The following KCTD3 variants were observed in gnomAD, a reference collection of about 807,000 sequenced individuals.
KCTD3 encodes potassium channel tetramerization domain containing 3.
In KCTD3, 41 loss-of-function variants were observed where a neutral mutation model predicts 85.8. That is an observed-to-expected ratio of 0.48 (90% CI 0.37 to 0.62). The LOEUF (loss-of-function observed/expected upper bound fraction) is 0.62, where lower values mean the gene tolerates loss of function less well. Ranked by LOEUF, KCTD3 falls within the 20% of genes least tolerant of loss-of-function variation. The pLI is 0.00. For synonymous variants in KCTD3, 338 were observed against 345.4 expected (o/e 0.98, Z 0.24); for missense variants, 724 against 989.9 (o/e 0.73, Z 3.60).
chr1:215,586,909 T>C (rs191705696), intron 9 of KCTD3, among the ~76,000 whole-genome samples: 13 of 152,262 alleles, frequency 8.5e-5, no homozygotes, highest in Admixed American at 7.8e-4. Context: ...GGCTGCTCTA[T>C]GAAAATATTG....
chr1:215,571,915 G>C (rs1279463342), intron 1 of KCTD3, among the ~76,000 whole-genome samples: 1 of 152,218 alleles, frequency 6.6e-6, no homozygotes, highest in Non-Finnish European at 1.5e-5. Flanking sequence ...ACAGGCGTGA[G>C]CCACCGCGCC....
chr1:215,569,898 G>T (rs1659298956), intron 1 of KCTD3, among the ~76,000 whole-genome samples: 2 of 152,182 alleles, frequency 1.3e-5, no homozygotes, highest in Admixed American at 1.3e-4. Flanking sequence ...TCAGAAAATT[G>T]TTAAGATAAA....
chr1:215,569,416 G>T (rs1347828667), intron 1 of KCTD3, among the ~76,000 whole-genome samples: 1 of 152,008 alleles, frequency 6.6e-6, no homozygotes, highest in Non-Finnish European at 1.5e-5. Context: ...ACCGCGCCTG[G>T]CCGATAGTTA....
chr1:215,573,254 A>G (rs769791287), intron 1 of KCTD3, among the ~76,000 whole-genome samples: 11 of 152,226 alleles, frequency 7.2e-5, no homozygotes, highest in Non-Finnish European at 1.2e-4. Flanking sequence ...TAGAAAAACT[A>G]TTACAGGGAA....
In KCTD3 at chr1:215,567,424, G is replaced by C. The variant is rs1476143472; in HGVS notation, c.-262G>C. On this transcript the variant is annotated 5_prime_UTR_variant, in exon 1 of 18. Coordinates refer to ENST00000259154, the MANE Select transcript of KCTD3 (RefSeq NM_016121.5). ...GCAGCGGAGCACGGAGAAGAGGCCC[G>C]GGCGGCCCGGCGGCCTGGAGGCCGC... 2 of 225,186 alleles carry C rather than the reference G, an allele frequency of 8.9e-6. No homozygotes were observed. Among genetic ancestry groups the C allele is most frequent in the East Asian group, 1.0e-4 (1 of 9,862 alleles). 13.9% of individuals were successfully genotyped at this position (225,186 alleles called of 1,614,324 possible).
At chr1:215,602,309 C>T (rs1654861186) in intron 12 of KCTD3, 108 bp downstream of exon 12, 3 of 602,460 alleles carry the variant, frequency 5.0e-6, no homozygotes, top group Non-Finnish European at 5.9e-6. Context: ...TTGAGAACTG[C>T]AGTGCCTAAG....
intron 8 of KCTD3, among the ~76,000 whole-genome samples, chr1:215,583,428 A>G (rs1254696058): frequency 6.6e-6 from 1 of 152,176 alleles, no homozygotes; most frequent in Non-Finnish European, 1.5e-5. Flanking sequence ...ATTAGCGTAT[A>G]ATGAGCAGTG....
chr1:215,611,633 C>A (rs1655237885), intron 14 of KCTD3, among the ~76,000 whole-genome samples, 192 bp from the exon 15 acceptor site: 1 of 151,798 alleles, frequency 6.6e-6, no homozygotes, highest in Admixed American at 6.6e-5. Context: ...TTGTGTATTT[C>A]TTTAAAAATG....
chr1:215,588,231 C>T (rs1002438177), intron 9 of KCTD3, among the ~76,000 whole-genome samples: 2 of 152,014 alleles, frequency 1.3e-5, no homozygotes, highest in Non-Finnish European at 1.5e-5. Flanking sequence ...GCTCTTTGCT[C>T]CAGCATTTGT....
At chr1:215,609,740 AC>A (rs1655159729) in intron 14 of KCTD3, among the ~76,000 whole-genome samples, 2 of 151,988 alleles carry the variant, frequency 1.3e-5, no homozygotes, top group Admixed American at 1.3e-4. Context: ...AGTATTATTT[AC>A]TAAATAAAGA....
chr1:215,596,132 G>C (rs1660408515), intron 10 of KCTD3, among the ~76,000 whole-genome samples: 1 of 152,146 alleles, frequency 6.6e-6, no homozygotes, highest in Non-Finnish European at 1.5e-5. Flanking sequence ...CAGGTCTGCT[G>C]TCTGATTGAT....
At chr1:215,585,293 A>G (rs2102568655) in intron 8 of KCTD3, among the ~76,000 whole-genome samples, 1 of 152,340 alleles carries the variant, frequency 6.6e-6, no homozygotes, top group East Asian at 1.9e-4. Flanking sequence ...GTTACAAATT[A>G]CACAATGCTT....
rs775058413 is a variant in KCTD3 at position 215,608,054 on chromosome 1, A to T, written c.1347A>T (p.Val449=). 1 of 1,611,806 alleles carries T rather than the reference A, an allele frequency of 6.2e-7. No individual in the cohort carries two copies. The highest frequency in any genetic ancestry group is 8.5e-7 in the Non-Finnish European group (1 of 1,178,668). The part of the protein sequence containing the change: ...ADNNHVRTWT[V]TRFRGMISTQ... ...ATAATCATGTCCGGACGTGGACAGT[A>T]ACACGATTCAGAGGAATGATCTCTA... Residue 449 remains valine (V), a synonymous_variant, in exon 14 of 18, where the codon GTA becomes GTT. Coordinates refer to ENST00000259154, the MANE Select transcript of KCTD3 (RefSeq NM_016121.5).
At chr1:215,600,624 T>TG (rs1391629113) in intron 10 of KCTD3, among the ~76,000 whole-genome samples, 1 of 152,238 alleles carries the variant, frequency 6.6e-6, no homozygotes, top group East Asian at 1.9e-4. Context: ...TCTAGTTCAT[T>TG]GTTTGTTTTC....
chr1:215,600,100 G>C (rs1267934447), intron 10 of KCTD3, among the ~76,000 whole-genome samples: 6 of 152,030 alleles, frequency 3.9e-5, no homozygotes, highest in African/African-American at 1.4e-4. Flanking sequence ...CATCTTTACT[G>C]ATATCACTGA....
Position 215,574,687 on chromosome 1 carries a change from A to G in KCTD3, c.183+569A>G, listed in dbSNP as rs539782158. Among the ~76,000 whole-genome samples the G allele has an allele frequency of 8.5e-5, 13 of 152,316 alleles. No homozygotes were observed. In the South Asian group the frequency reaches 1.2e-3, roughly 15 times the overall value. The stretch of plus-strand genomic sequence containing the variant: ...AATGCAGATATGTCCATGTGAAATT[A>G]TAAAAAGTTATCAATAATAAGATCT... On this transcript the variant is annotated intron_variant, in intron 3 of 17. Coordinates refer to ENST00000259154, the MANE Select transcript of KCTD3 (RefSeq NM_016121.5).
chr1:215,588,809 T>C (rs896282245), intron 9 of KCTD3, among the ~76,000 whole-genome samples: 6 of 152,206 alleles, frequency 3.9e-5, no homozygotes, highest in African/African-American at 1.2e-4. Flanking sequence ...TTCATCTGTT[T>C]GCAAGGCAAA....
At chr1:215,578,766 A>T (rs1158001984) in intron 6 of KCTD3, among the ~76,000 whole-genome samples, 1 of 152,196 alleles carries the variant, frequency 6.6e-6, no homozygotes, top group African/African-American at 2.4e-5. Context: ...TATTTATTGT[A>T]AACAGTATGA....
chr1:215,595,267 A>C, intron 9 of KCTD3, 89 bp from the exon 10 acceptor site: 1 of 762,664 alleles, frequency 1.3e-6, no homozygotes. Context: ...AATATAAATT[A>C]GTCACCTTTA....
Sources: allele counts gnomAD v4.1 joint callset (sites outside exome capture counted in the v4.1 genomes callset), GRCh38; gene constraint gnomAD v4.1.1; transcripts MANE v1.5; gene names NCBI Gene and HGNC (gene_info 2026-07-23, HGNC 2026-07-21).